TARS3: variants seen among roughly 807,000 people sequenced by gnomAD.
The protein encoded by TARS3 is threonine--tRNA ligase 2, cytoplasmic.
TARS3 carries 94 observed loss-of-function variants against 103.5 expected under a neutral mutation model. That is an observed-to-expected ratio of 0.91 (90% confidence interval 0.77 to 1.08). The LOEUF (loss-of-function observed/expected upper bound fraction) is 1.08, where lower values mean the gene tolerates loss of function less well. Among genes scored for constraint, TARS3 ranks in the 50% least tolerant of loss-of-function variants. The pLI is 0.00. For missense variants in TARS3, 952 were observed against 995.2 expected (o/e 0.96, Z 0.58); for synonymous variants, 416 against 355.4 (o/e 1.17, Z -1.92).
rs192012334 is a variant in TARS3, at chr15:101,701,229, C to G, written c.1222-45G>C. The G allele has an allele frequency of 4.9e-6, 6 of 1,233,618 alleles. No homozygotes were observed. In the South Asian group the frequency reaches 5.4e-5, roughly 11 times the overall value. The allele number at this position is 1,233,618 out of a possible 1,614,324, so 76.4% of individuals were successfully genotyped here. A position where few individuals can be genotyped will look rare whatever the true frequency, so the allele number is the denominator to read the frequency against. ...GCATTTCAAATGTCATCTGCTATTG[C>G]TTAATATTTACTGCACACACATATA... On this transcript the variant is annotated intron_variant, in intron 9 of 18. Coordinates refer to ENST00000335968, the MANE Select transcript of TARS3 (RefSeq NM_152334.3).
chr15:101,699,805 A>C (rs1899168615), intron 10 of TARS3, among the ~76,000 whole-genome samples: 1 of 152,220 alleles, frequency 6.6e-6, no homozygotes, highest in Admixed American at 6.5e-5. Context: ...GAGAATAACC[A>C]GTGCAGGCCA....
At chr15:101,670,901 T>C (rs895106044) in intron 15 of TARS3, among the ~76,000 whole-genome samples, 9 of 152,302 alleles carry the variant, frequency 5.9e-5, no homozygotes, top group African/African-American at 1.9e-4. Context: ...GGCTCGATAC[T>C]GCATGGCTCC....
At chr15:101,667,331 G>C (rs1897619190) in intron 15 of TARS3, among the ~76,000 whole-genome samples, 1 of 152,180 alleles carries the variant, frequency 6.6e-6, no homozygotes, top group Non-Finnish European at 1.5e-5. Context: ...AGCTGCATTA[G>C]CTCCTAATAA....
Position 101,705,731 on chromosome 15 carries a change from CATTTAA to C in TARS3, c.941_946del (p.Phe314_Lys315del). ...GTTAACTTTCTCATTCAGAATGCGG[CATTTAA>C]ATTTATTGTACTACGAAGAAAAACA... is the stretch of plus-strand genomic sequence containing the variant. On this transcript the variant is annotated inframe_deletion, in exon 7 of 19. Transcript: ENST00000335968. 6.2e-7 allele frequency: 1 copy of C among 1,606,000 alleles called. No homozygotes were observed.
intron 15 of TARS3, among the ~76,000 whole-genome samples, chr15:101,671,105 G>A (rs1298130236): frequency 6.6e-6 from 1 of 152,090 alleles, no homozygotes; most frequent in Non-Finnish European, 1.5e-5. Context: ...TATTTTTAAA[G>A]AAGTTGTTGG....
chr15:101,661,803 C>G lies in TARS3; in HGVS notation c.1981G>C (p.Asp661His). The change falls in exon 16 of 19, where the codon GAT becomes CAT. Residue 661 changes from aspartate (D) to histidine (H), a missense_variant. Physicochemically the swap from Asp to His is moderately conservative, Grantham distance 81 (BLOSUM62 -1). Coordinates refer to ENST00000335968, the MANE Select transcript of TARS3 (RefSeq NM_152334.3). ...NLTYVSKDGDDKKRPVIIHRA... is the reference protein window; with the variant it reads ...NLTYVSKDGDHKKRPVIIHRA... ...TGAATGATCACAGGTCTCTTCTTAT[C>G]ATCCCCATCCTTACTAAAAAATGAA... 1 of 1,589,910 alleles carries G rather than the reference C, an allele frequency of 6.3e-7. No individual in the cohort carries two copies. Among genetic ancestry groups the G allele is most frequent in the Non-Finnish European group, 8.6e-7 (1 of 1,168,786 alleles).
At chr15:101,722,659 A>AG (rs1900541565) in intron 2 of TARS3, among the ~76,000 whole-genome samples, 1 of 149,638 alleles carries the variant, frequency 6.7e-6, no homozygotes, top group African/African-American at 2.4e-5. Flanking sequence ...AAAAAAAAAA[A>AG]AAAAAAAAAA....
At chr15:101,659,624 TTCTC>T (rs1333284642) in intron 16 of TARS3, among the ~76,000 whole-genome samples, 4 of 152,126 alleles carry the variant, frequency 2.6e-5, no homozygotes, top group African/African-American at 9.7e-5. Flanking sequence ...ATTTCACTAG[TTCTC>T]TCTCTTTTCT....
chr15:101,654,039 C>G lies in TARS3; in HGVS notation c.*543G>C, dbSNP rs1271216490. The G allele has an allele frequency of 6.6e-6, 1 of 152,488 alleles. No homozygotes were observed. Among genetic ancestry groups the G allele is most frequent in the Admixed American group, 6.5e-5 (1 of 15,296 alleles). The allele number at this position is 152,488 out of a possible 1,614,324, so 9.4% of individuals were successfully genotyped here. A position where few individuals can be genotyped will look rare whatever the true frequency, so the allele number is the denominator to read the frequency against. On this transcript the variant is annotated 3_prime_UTR_variant, in exon 19 of 19. Transcript: ENST00000335968. ...AACTCTTAACCTATAGTGCAAACAC[C>G]AGATTCCACAAAACTGAATTCCTTT... is the stretch of plus-strand genomic sequence containing the variant.
intron 13 of TARS3, among the ~76,000 whole-genome samples, chr15:101,674,096 C>T (rs1214699798): frequency 6.6e-6 from 1 of 152,202 alleles, no homozygotes; most frequent in East Asian, 1.9e-4. Context: ...AAGCACTCTC[C>T]TACTCTGCCC....
chr15:101,685,164 T>C (rs551472965), intron 11 of TARS3, among the ~76,000 whole-genome samples: 1 of 152,348 alleles, frequency 6.6e-6, no homozygotes, highest in South Asian at 2.1e-4. Context: ...ATAATTATCT[T>C]CTAGGTAAAT....
intron 15 of TARS3, among the ~76,000 whole-genome samples, chr15:101,669,086 G>A (rs371538749): frequency 6.6e-6 from 1 of 152,164 alleles, no homozygotes; most frequent in Admixed American, 6.5e-5. Context: ...AGCTCCATGC[G>A]TGTACTGCCC....
At chr15:101,656,808 A>G in intron 18 of TARS3, 114 bp downstream of exon 18, 1 of 679,500 alleles carries the variant, frequency 1.5e-6, no homozygotes, top group Non-Finnish European at 2.5e-6. Context: ...TTGTGTAAGT[A>G]TTAAATAGAC....
At position 101,661,724 on chromosome 15, in the gene TARS3, T is replaced by C. The variant is rs565733520; in HGVS notation, c.2060A>G (p.Tyr687Cys). Residue 687 changes from tyrosine (Y) to cysteine (C), a missense_variant, in exon 16 of 19, where the codon TAT (tyrosine) becomes TGT (cysteine). Physicochemically the swap from Tyr to Cys is radical, Grantham distance 194 (BLOSUM62 -2). Transcript: ENST00000335968. ...ERMIAILSEN[Y>C]GGKWPFWLSP... ...CCATATCACTTACCATTTTCCGCCA[T>C]AGTTTTCTGAAAGAATGGCTATCAT... The C allele has an allele frequency of 1.0e-4, 164 of 1,601,138 alleles. 2 individuals carry two copies. In the South Asian group the frequency reaches 1.5e-3, roughly 15 times the overall value.
At chr15:101,686,180 T>A in intron 10 of TARS3, 118 bp from the exon 11 acceptor site, 1 of 856,136 alleles carries the variant, frequency 1.2e-6, no homozygotes, top group Non-Finnish European at 1.8e-6. Flanking sequence ...AATTCATGAT[T>A]AATGTACCCT....
chr15:101,703,999 A>G, intron 7 of TARS3, 62 bp from the exon 8 acceptor site: 1 of 1,186,086 alleles, frequency 8.4e-7, no homozygotes, highest in South Asian at 1.4e-5. Flanking sequence ...TATTCATTAT[A>G]AGCCATAATA....
chr15:101,688,051 C>G (rs1898549162), intron 10 of TARS3, among the ~76,000 whole-genome samples: 1 of 151,914 alleles, frequency 6.6e-6, no homozygotes, highest in Non-Finnish European at 1.5e-5. Context: ...GAATATAATC[C>G]CTATGAGATG....
At chr15:101,683,797 G>C (rs999027500) in intron 12 of TARS3, among the ~76,000 whole-genome samples, 1 of 152,126 alleles carries the variant, frequency 6.6e-6, no homozygotes, top group Non-Finnish European at 1.5e-5. Context: ...AGTTCTAGGC[G>C]ATACTGAAAA....
intron 1 of TARS3, among the ~76,000 whole-genome samples, chr15:101,723,431 T>G (rs191817812): frequency 3.3e-5 from 5 of 152,318 alleles, no homozygotes; most frequent in Non-Finnish European, 7.3e-5. Flanking sequence ...CTGGAAAATG[T>G]GTGGTTGCTG....
Sources: gnomAD v4.1 joint callset for allele counts (sites outside exome capture counted in the v4.1 genomes callset) on GRCh38, gnomAD v4.1.1 for gene constraint, MANE v1.5 for transcripts, NCBI Gene and HGNC (gene_info 2026-07-23, HGNC 2026-07-21) for gene names.